Variants in WNK2 observed in about 807,000 individuals in gnomAD.
WNK2 encodes WNK lysine deficient protein kinase 2.
Under a neutral mutation model 192.1 loss-of-function variants are expected in WNK2, and 67 were observed. That is an observed-to-expected ratio of 0.35 (90% CI 0.29 to 0.43). The LOEUF is 0.43. Ranked by LOEUF, WNK2 falls within the 20% of genes least tolerant of loss-of-function variation. The probability of loss-of-function intolerance (pLI) is 1.00; values close to 1 mark genes in which losing one functional copy is unlikely to be tolerated. For synonymous variants in WNK2, 1,439 were observed against 1,393.9 expected, an observed-to-expected ratio of 1.03 and a Z score of -0.72; for missense variants, 2,698 against 3,089.7, an observed-to-expected ratio of 0.87 and a Z score of 3.01.
intron 21 of WNK2, among the ~76,000 whole-genome samples, chr9:93,290,869 T>G (rs1849240149): frequency 6.6e-6 from 1 of 152,204 alleles, no homozygotes; most frequent in South Asian, 2.1e-4. Context: ...TGCCTCAGTG[T>G]CCCTTCTAAG....
intron 26 of WNK2, chr9:93,300,468 T>C: frequency 4.1e-6 from 1 of 243,466 alleles, no homozygotes; most frequent in Non-Finnish European, 7.8e-6. Context: ...TGCATTCTTT[T>C]CGTCACCTCA....
Position 93,299,118 on chromosome 9 carries a change from A to G in WNK2, c.5972A>G (p.Gln1991Arg). The G allele has an allele frequency of 6.2e-7, 1 of 1,611,854 alleles. No individual in the cohort carries two copies. The highest frequency in any genetic ancestry group is 8.5e-7 in the Non-Finnish European group (1 of 1,179,670). The change falls in exon 25 of 30, where the codon CAA becomes CGA. Residue 1991 changes from glutamine (Q) to arginine (R), a missense_variant. Transcript: ENST00000427277. ...GGCCCTCCCGCTAAGGACCCTGCCC[A>G]AGCCAGTGTGGGGCTCACTGCAGAC... is the stretch of plus-strand genomic sequence containing the variant. Reference protein sequence around the residue: ...SRGPPAKDPAQASVGLTADST... With the variant: ...SRGPPAKDPARASVGLTADST...
chr9:93,262,078 G>C lies in WNK2; in HGVS notation c.3331G>C (p.Val1111Leu). 1 of 1,606,152 alleles carries C rather than the reference G, an allele frequency of 6.2e-7. No individual in the cohort carries two copies. The highest frequency in any genetic ancestry group is 2.2e-5 in the East Asian group (1 of 44,702). Residue 1111 changes from valine to leucine, a missense_variant, in exon 13 of 30, where the codon GTC (valine) becomes CTC (leucine). Coordinates refer to ENST00000427277, the MANE Select transcript of WNK2 (RefSeq NM_006648.4). ...GPGIASPCPT[V>L]QLTVEPVQEE... ...CGGGATCGCCAGCCCTTGCCCAACT[G>C]TCCAGCTGACGGTGGAACCAGTCCA... is the stretch of plus-strand genomic sequence containing the variant.
chr9:93,243,502 GAC>G (rs1841134417), intron 7 of WNK2, among the ~76,000 whole-genome samples: 1 of 152,164 alleles, frequency 6.6e-6, no homozygotes. Context: ...TTCATTGTGA[GAC>G]ACATCACCCG....
Position 93,293,122 on chromosome 9 carries a change from C to A in WNK2, c.5657C>A (p.Ser1886Ter). 2 of 1,583,826 alleles carry A rather than the reference C, an allele frequency of 1.3e-6. No individual in the cohort carries two copies. The highest frequency in any genetic ancestry group is 1.7e-6 in the Non-Finnish European group (2 of 1,167,500). Reference sequence around the variant, plus strand: ...TCCTACATCAGCAGCGACAATGATTCGGAGCTCGAGGATGCTGACATAAAG... The same window carrying A: ...TCCTACATCAGCAGCGACAATGATTAGGAGCTCGAGGATGCTGACATAAAG... ...QSSYISSDND[S>*]ELEDADIKKE... The change falls in exon 23 of 30, where the codon TCG (serine) becomes TAG (stop). Residue 1886 changes from serine to a stop codon, truncating the protein, a stop_gained. Transcript: ENST00000427277. LOFTEE classifies it high-confidence loss of function.
rs578251374 is a variant in WNK2, at chr9:93,256,400, G to T, written c.2136G>T (p.Pro712=). ...PAMSFAPVLP[P]PSTPMPTGPG... The stretch of plus-strand genomic sequence containing the variant: ...TGAGCTTCGCCCCCGTGCTGCCGCC[G>T]CCCAGCACCCCCATGCCCACGGGCC... Residue 712 remains proline, a synonymous_variant, in exon 10 of 30, where the codon CCG becomes CCT. Transcript: ENST00000427277. 5 of 1,549,354 alleles carry T rather than the reference G, an allele frequency of 3.2e-6. No homozygotes were observed. The South Asian group carries it at 4.7e-5, about 15-fold the overall frequency.
intron 28 of WNK2, among the ~76,000 whole-genome samples, chr9:93,314,235 T>C (rs1186949856): frequency 6.6e-6 from 1 of 152,158 alleles, no homozygotes; most frequent in Non-Finnish European, 1.5e-5. Flanking sequence ...TGAGCCGAGA[T>C]TGTGCCATTG....
Position 93,185,042 on chromosome 9 carries a change from C to G in WNK2, c.113C>G (p.Pro38Arg). 2.3e-6 allele frequency: 3 copies of G among 1,290,664 alleles called. No individual in the cohort carries two copies. Among genetic ancestry groups the G allele is most frequent in the Non-Finnish European group, 2.9e-6 (3 of 1,019,446 alleles). The allele number at this position is 1,290,664 out of a possible 1,614,324, so 80.0% of individuals were successfully genotyped here. A position where few individuals can be genotyped will look rare whatever the true frequency, so the allele number is the denominator to read the frequency against. Residue 38 changes from proline (P) to arginine (R), a missense_variant, in exon 2 of 30, where the codon CCC becomes CGC. Physicochemically the swap from Pro to Arg is moderately radical, Grantham distance 103. Coordinates refer to ENST00000427277, the MANE Select transcript of WNK2 (RefSeq NM_006648.4). ...EPRAKAARPGPQRFLRRSVVE... is the reference protein window; with the variant it reads ...EPRAKAARPGRQRFLRRSVVE... ...CGGGCGAAGGCGGCGCGGCCGGGGC[C>G]CCAGCGCTTTCTGCGGCGCAGCGTG...
At chr9:93,185,688 G>C in intron 2 of WNK2, 78 bp downstream of exon 2, 3 of 1,513,010 alleles carry the variant, frequency 2.0e-6, no homozygotes, top group Non-Finnish European at 2.7e-6. Context: ...CCTTGCTCCT[G>C]CGCCTGGCCT....
At chr9:93,219,003 C>G (rs1203361657) in intron 2 of WNK2, among the ~76,000 whole-genome samples, 1 of 152,198 alleles carries the variant, frequency 6.6e-6, no homozygotes, top group Non-Finnish European at 1.5e-5. Context: ...CACCCAGTGA[C>G]ATGGCACCAG....
intron 4 of WNK2, among the ~76,000 whole-genome samples, chr9:93,232,466 T>C (rs1891971): frequency 0.96 from 146,654 of 152,262 alleles, 70,687 homozygotes; most frequent in African/African-American, 0.99. Flanking sequence ...TTGAGCTCTG[T>C]GCACTTTCTG....
In WNK2 at chr9:93,257,943, C is replaced by G. The variant is rs1165827208; in HGVS notation, c.2382+804C>G. Reference sequence around the variant, plus strand: ...CGAGGGCTTCGGTGACCCGGACAGGCTGATCAGTGATAAGACTGGAAGTGT... The same window carrying G: ...CGAGGGCTTCGGTGACCCGGACAGGGTGATCAGTGATAAGACTGGAAGTGT... On this transcript the variant is annotated intron_variant, in intron 11 of 29. Coordinates refer to ENST00000427277, the MANE Select transcript of WNK2 (RefSeq NM_006648.4). The surrounding 1 kb of genome is among the most constrained non-coding windows in gnomAD (Gnocchi z 4.7). Among the ~76,000 whole-genome samples, 1 of 152,238 alleles carries G rather than the reference C, an allele frequency of 6.6e-6. No individual in the cohort carries two copies. The highest frequency in any genetic ancestry group is 1.9e-4 in the East Asian group (1 of 5,206).
intron 7 of WNK2, among the ~76,000 whole-genome samples, chr9:93,245,300 A>T (rs981596966): frequency 6.6e-6 from 1 of 152,178 alleles, no homozygotes; most frequent in African/African-American, 2.4e-5. Flanking sequence ...AATACCGTCA[A>T]TCCTCAGGCC....
chr9:93,301,844 G>A (rs16936753), intron 26 of WNK2, among the ~76,000 whole-genome samples: 42,018 of 152,154 alleles, frequency 0.28, 7,278 homozygotes, highest in East Asian at 0.4. Context: ...TTGTTTTCAC[G>A]GCTTAGCCCC....
At chr9:93,303,551 G>C (rs146608818) in intron 26 of WNK2, among the ~76,000 whole-genome samples, 2 of 152,282 alleles carry the variant, frequency 1.3e-5, no homozygotes, top group Non-Finnish European at 2.9e-5. Flanking sequence ...TGCTCAGCGA[G>C]GCTCTTTGCA....
At chr9:93,230,005 A>C in intron 3 of WNK2, 137 bp downstream of exon 3, 2 of 1,080,086 alleles carry the variant, frequency 1.9e-6, no homozygotes, top group Non-Finnish European at 2.6e-6. Flanking sequence ...CCTCTCCTGC[A>C]TGGGATGCCA....
rs753504085 is a variant in WNK2, at chr9:93,185,366, A to AGGC, written c.445_447dup (p.Ala149dup). On this transcript the variant is annotated inframe_insertion, in exon 2 of 30. Coordinates refer to ENST00000427277, the MANE Select transcript of WNK2 (RefSeq NM_006648.4). Reference sequence around the variant, plus strand: ...GCCCCCGACGGCGGCCCCAGGGAGGAGGCGGCGGCGACCGTGAGGAAGGAG... The same window carrying AGGC: ...GCCCCCGACGGCGGCCCCAGGGAGGAGGCGGCGGCGGCGACCGTGAGGAAGGAG... The AGGC allele has an allele frequency of 2.4e-5, 38 of 1,571,880 alleles. No individual in the cohort carries two copies. In the East Asian group the frequency reaches 6.5e-4, roughly 27 times the overall value.
intron 3 of WNK2, among the ~76,000 whole-genome samples, 165 bp from the exon 4 acceptor site, chr9:93,230,723 G>A (rs960811634): frequency 6.6e-6 from 1 of 152,248 alleles, no homozygotes; most frequent in African/African-American, 2.4e-5. Context: ...GCTCCAGGGC[G>A]GAACTGTCCG....
chr9:93,298,749 C>T (rs1367490601), intron 24 of WNK2, among the ~76,000 whole-genome samples: 1 of 152,210 alleles, frequency 6.6e-6, no homozygotes, highest in African/African-American at 2.4e-5. Context: ...ACCCATTACA[C>T]GAATTCAGAG....
Sources: allele counts gnomAD v4.1 joint callset (sites outside exome capture counted in the v4.1 genomes callset), GRCh38; gene constraint gnomAD v4.1.1; non-coding constraint Gnocchi (gnomAD v3.1); transcripts MANE v1.5; gene names NCBI Gene and HGNC (gene_info 2026-07-23, HGNC 2026-07-21).